TCF20: variants seen among roughly 807,000 people sequenced by gnomAD.
TCF20 encodes SPRE-binding protein.
In TCF20, 3 loss-of-function variants were observed where a neutral mutation model predicts 148.6. The observed-to-expected ratio is 0.02, with a 90% CI of 0.01 to 0.05. The LOEUF is 0.05. Among genes scored for constraint, TCF20 ranks in the 10% least tolerant of loss-of-function variants. The pLI, the probability that TCF20 is intolerant of heterozygous loss-of-function variation, is 1.00. For synonymous variants in TCF20, 1,049 were observed against 909.5 expected (o/e 1.15, Z -2.76); for missense variants, 2,350 against 2,429.3 (o/e 0.97, Z 0.69).
intron 3 of TCF20, among the ~76,000 whole-genome samples, chr22:42,179,040 A>T (rs868217948): frequency 0.011 from 1,711 of 149,400 alleles, 31 homozygotes; most frequent in African/African-American, 0.039. Flanking sequence ...CTACAATTAA[A>T]AAAAAAAAAA....
intron 1 of TCF20, among the ~76,000 whole-genome samples, chr22:42,335,558 T>C (rs1020874777): frequency 6.6e-5 from 10 of 152,240 alleles, no homozygotes; most frequent in Non-Finnish European, 1.2e-4. Context: ...GAATGAATAC[T>C]GACTGGCAGA....
At position 42,317,644 on chromosome 22, in the gene TCF20, G is replaced by A. The variant is rs1379857898; in HGVS notation, c.-37+25835C>T. On this transcript the variant is annotated intron_variant, in intron 1 of 1. Coordinates refer to the TCF20 transcript ENST00000515426. This position sits in a 1 kb window ranked among gnomAD's most constrained non-coding sequence, Gnocchi z 4.2. The stretch of plus-strand genomic sequence containing the variant: ...GGGCTCTGCTCCTGCATTCCCGCTG[G>A]GGGCTGGGGGGGAAAGGGGTGTAGA... Among the ~76,000 whole-genome samples the A allele has an allele frequency of 6.6e-6, 1 of 152,214 alleles. No individual in the cohort carries two copies. The highest frequency in any genetic ancestry group is 1.5e-5 in the Non-Finnish European group (1 of 68,036).
chr22:42,234,456 G>A (rs1337718151), intron 1 of TCF20, among the ~76,000 whole-genome samples: 2 of 152,186 alleles, frequency 1.3e-5, no homozygotes, highest in Non-Finnish European at 2.9e-5. Context: ...AGGCATGGGA[G>A]GAATATTGTC....
chr22:42,169,172 G>A (rs1278259189), intron 4 of TCF20, among the ~76,000 whole-genome samples: 1 of 151,420 alleles, frequency 6.6e-6, no homozygotes, highest in Non-Finnish European at 1.5e-5. Flanking sequence ...TGCAGCCCCT[G>A]CAGGAAACAT....
At chr22:42,312,654 C>T (rs1484510226) in intron 1 of TCF20, among the ~76,000 whole-genome samples, 2 of 152,128 alleles carry the variant, frequency 1.3e-5, no homozygotes, top group Admixed American at 6.5e-5. Context: ...GACCTGTTGC[C>T]GCCCTGGCCT....
chr22:42,334,585 G>A (rs892656828), intron 1 of TCF20, among the ~76,000 whole-genome samples: 4 of 152,248 alleles, frequency 2.6e-5, no homozygotes, highest in African/African-American at 7.2e-5. Context: ...GTCAACAACC[G>A]CTCCAGCCCT....
chr22:42,338,037 A>G lies in TCF20; in HGVS notation c.-37+5442T>C, dbSNP rs1206932450. Among the ~76,000 whole-genome samples, 1 of 152,202 alleles carries G rather than the reference A, an allele frequency of 6.6e-6. No individual in the cohort carries two copies. The highest frequency in any genetic ancestry group is 2.4e-5 in the African/African-American group (1 of 41,458). On this transcript the variant is annotated intron_variant, in intron 1 of 1. Transcript: ENST00000515426. The surrounding 1 kb of genome is among the most constrained non-coding windows in gnomAD (Gnocchi z 4.0). ...CCTTTCTCCACCAGTCACTGTGGCC[A>G]GAGGGAGGGGGTACTGGGCCCCACC... is the stretch of plus-strand genomic sequence containing the variant.
intron 1 of TCF20, 165 bp from the exon 2 acceptor site, chr22:42,215,506 T>C: frequency 1.1e-6 from 1 of 883,030 alleles, no homozygotes; most frequent in South Asian, 2.2e-5. Context: ...AGTCTCACTC[T>C]GTCACCCAGG....
chr22:42,281,142 C>T (rs1172559342), intron 1 of TCF20, among the ~76,000 whole-genome samples: 1 of 152,166 alleles, frequency 6.6e-6, no homozygotes, highest in Non-Finnish European at 1.5e-5. Flanking sequence ...AACTGCTTCC[C>T]GCCAATTTGG....
chr22:42,209,796 T>C lies in TCF20; in HGVS notation c.5510A>G (p.Glu1837Gly). 2 of 1,614,160 alleles carry C rather than the reference T, an allele frequency of 1.2e-6. No homozygotes were observed. The highest frequency in any genetic ancestry group is 1.7e-6 in the Non-Finnish European group (2 of 1,180,034). Residue 1837 changes from glutamate to glycine, a missense_variant, in exon 2 of 6, where the codon GAG becomes GGG. Around this residue, in one of 7 missense-constraint regions of TCF20, gnomAD observed 374 missense variants for 398.3 expected, o/e 0.94. Coordinates refer to ENST00000677622, the MANE Select transcript of TCF20 (RefSeq NM_001378418.1). ...TAGTTCAGGGATTTGTAACTCCAGC[T>C]CAGGGCCACCTTCTGAAGTGGTGGG... ...SVPTTSEGGPELELQIPELPL... is the reference protein window; with the variant it reads ...SVPTTSEGGPGLELQIPELPL...
intron 2 of TCF20, among the ~76,000 whole-genome samples, chr22:42,200,943 T>C (rs1342655109): frequency 1.3e-5 from 2 of 152,194 alleles, no homozygotes; most frequent in Non-Finnish European, 2.9e-5. Flanking sequence ...CCTGATATGG[T>C]TTGGATCTGT....
intron 1 of TCF20, among the ~76,000 whole-genome samples, chr22:42,283,763 G>GGCACGCCTC (rs952188173): frequency 6.6e-6 from 1 of 151,784 alleles, no homozygotes; most frequent in Non-Finnish European, 1.5e-5. Context: ...GCACCCGGCG[G>GGCACGCCTC]GCACGCCTCG....
Position 42,213,089 on chromosome 22 carries a change from A to G in TCF20, c.2217T>C (p.His739=), listed in dbSNP as rs767367766. The G allele has an allele frequency of 2.5e-6, 4 of 1,614,104 alleles. No individual in the cohort carries two copies. The highest frequency in any genetic ancestry group is 3.4e-6 in the Non-Finnish European group (4 of 1,180,010). The change falls in exon 2 of 6, where the codon CAT becomes CAC. Residue 739 remains histidine (H), a synonymous_variant. Coordinates refer to ENST00000677622, the MANE Select transcript of TCF20 (RefSeq NM_001378418.1). ...TTTCATTTCTACCCTTTCGTTCCCC[A>G]TGGCCAGTGAAATCTCCCTTTTCTT... ...TGQEKGDFTG[H]GERKGRNEKF...
intron 3 of TCF20, among the ~76,000 whole-genome samples, chr22:42,170,212 C>A (rs1936038230): frequency 6.6e-6 from 1 of 151,354 alleles, no homozygotes; most frequent in African/African-American, 2.4e-5. Context: ...TAAAAAAAGA[C>A]TTGGGGCTGG....
intron 1 of TCF20, chr22:42,276,463 T>C (rs932218597): frequency 6.6e-6 from 1 of 152,228 alleles, no homozygotes; most frequent in African/African-American, 2.4e-5. Context: ...CTGACTCTTA[T>C]GTGCTGGCTC....
In TCF20 at chr22:42,222,102, T is replaced by C. The variant is rs576716882; in HGVS notation, c.-36-6761A>G. ...CAAGGCCTCTGGCCCTCTAGACAGATCAGTACTTAAGGACTCTGGACAGTG... is the reference window on the plus strand; with the variant it reads ...CAAGGCCTCTGGCCCTCTAGACAGACCAGTACTTAAGGACTCTGGACAGTG... On this transcript the variant is annotated intron_variant, in intron 1 of 5. Coordinates refer to ENST00000677622, the MANE Select transcript of TCF20 (RefSeq NM_001378418.1). Among the ~76,000 whole-genome samples the C allele has an allele frequency of 3.3e-5, 5 of 152,282 alleles. No homozygotes were observed. The South Asian group carries it at 1.0e-3, about 32-fold the overall frequency.
intron 1 of TCF20, among the ~76,000 whole-genome samples, chr22:42,261,159 T>C (rs1926008706): frequency 6.6e-6 from 1 of 152,250 alleles, no homozygotes; most frequent in South Asian, 2.1e-4. Flanking sequence ...GATTAATCCT[T>C]ATTACACGTA....
Position 42,170,148 on chromosome 22 carries a change from C to A in TCF20, c.5750-252G>T, listed in dbSNP as rs553271678. On this transcript the variant is annotated intron_variant, in intron 3 of 5. Coordinates refer to ENST00000677622, the MANE Select transcript of TCF20 (RefSeq NM_001378418.1). ...CATGAAACAAAACTGCTTGAAAAAA[C>A]CAGGATGTACAAATGTATAAATGTG... Among the ~76,000 whole-genome samples, 22 of 151,728 alleles carry A rather than the reference C, an allele frequency of 1.4e-4. No individual in the cohort carries two copies. In the South Asian group the frequency reaches 4.6e-3, roughly 32 times the overall value.
rs865856635 is a variant in TCF20 at position 42,202,884 on chromosome 22, C to T, written c.5655+6767G>A. Among the ~76,000 whole-genome samples the T allele has an allele frequency of 1.4e-4, 21 of 152,286 alleles. No homozygotes were observed. The Middle Eastern group carries it at 0.017, about 123-fold the overall frequency. On this transcript the variant is annotated intron_variant, in intron 2 of 5. Transcript: ENST00000677622. ...TCTAACCACACACCAGCTAAGGGGC[C>T]GAGGCTGAGGCTGAGTCACCCTGCA...
Sources: gnomAD v4.1 joint callset for allele counts (sites outside exome capture counted in the v4.1 genomes callset) on GRCh38, gnomAD v4.1.1 for gene constraint, gnomAD v4.1.1 regional missense constraint, Gnocchi (gnomAD v3.1) non-coding constraint, MANE v1.5 for transcripts, NCBI Gene and HGNC (gene_info 2026-07-23, HGNC 2026-07-21) for gene names.